WNK2: variants seen among roughly 807,000 people sequenced by gnomAD.
The protein encoded by WNK2 is WNK lysine deficient protein kinase 2.
Under a neutral mutation model 192.1 loss-of-function variants are expected in WNK2, and 67 were observed. The ratio of observed to expected loss-of-function variants is 0.35; its 90% CI spans 0.29 to 0.43. The LOEUF (loss-of-function observed/expected upper bound fraction) is 0.43. Ranked by LOEUF, WNK2 falls within the 20% of genes least tolerant of loss-of-function variation. The pLI is 1.00. For missense variants in WNK2, 2,698 were observed against 3,089.7 expected (o/e 0.87, Z 3.01); for synonymous variants, 1,439 against 1,393.9 (o/e 1.03, Z -0.72).
intron 7 of WNK2, among the ~76,000 whole-genome samples, chr9:93,244,660 C>T (rs116180640): frequency 0.023 from 3,554 of 152,220 alleles, 137 homozygotes; most frequent in African/African-American, 0.082. Flanking sequence ...GATATGACCC[C>T]GAGGCCACGT....
chr9:93,246,310 C>T (rs1470894841), intron 7 of WNK2, among the ~76,000 whole-genome samples: 1 of 152,202 alleles, frequency 6.6e-6, no homozygotes, highest in Non-Finnish European at 1.5e-5. Flanking sequence ...GCTGCCGCCT[C>T]TTAGAGCCGC....
chr9:93,266,435 C>A (rs1845186129), intron 16 of WNK2, among the ~76,000 whole-genome samples: 1 of 152,190 alleles, frequency 6.6e-6, no homozygotes, highest in Non-Finnish European at 1.5e-5. Flanking sequence ...TAATTTTATT[C>A]TCAACATACT....
chr9:93,272,514 G>C (rs1394551972), intron 19 of WNK2, among the ~76,000 whole-genome samples: 1 of 152,076 alleles, frequency 6.6e-6, no homozygotes. Context: ...AAGTTCGGGG[G>C]GATCACCTGA....
At chr9:93,248,014 G>A (rs1389258645) in intron 8 of WNK2, among the ~76,000 whole-genome samples, 180 bp downstream of exon 8, 1 of 152,256 alleles carries the variant, frequency 6.6e-6, no homozygotes, top group Admixed American at 6.5e-5. Flanking sequence ...CTCACGTAGC[G>A]TGGGTGATTG....
intron 23 of WNK2, among the ~76,000 whole-genome samples, chr9:93,294,187 C>G (rs1198486688): frequency 6.6e-6 from 1 of 152,084 alleles, no homozygotes. Context: ...TGCGAGCCCT[C>G]TCTGCACAGC....
At chr9:93,292,181 C>T (rs1037496143) in intron 21 of WNK2, 127 bp from the exon 22 acceptor site, 3 of 936,726 alleles carry the variant, frequency 3.2e-6, no homozygotes, top group Non-Finnish European at 5.0e-6. Context: ...CCAGTACCCA[C>T]TTCCATTGTC....
chr9:93,314,947 A>G (rs925703119), intron 28 of WNK2, among the ~76,000 whole-genome samples: 5 of 152,114 alleles, frequency 3.3e-5, no homozygotes, highest in Non-Finnish European at 5.9e-5. Context: ...CATACTAAGC[A>G]GATGTTACAT....
Position 93,297,930 on chromosome 9 carries a change from C to A in WNK2, c.5786C>A (p.Pro1929Gln). 1 of 1,589,930 alleles carries A rather than the reference C, an allele frequency of 6.3e-7. No individual in the cohort carries two copies. The highest frequency in any genetic ancestry group is 2.3e-5 in the East Asian group (1 of 43,330). Reference sequence around the variant, plus strand: ...GCTCTGTACCGCCGCCTGGGCAAGCCACTGCCCCCCAACGTGGGCTTCTTC... The same window carrying A: ...GCTCTGTACCGCCGCCTGGGCAAGCAACTGCCCCCCAACGTGGGCTTCTTC... ...IEALYRRLGK[P>Q]LPPNVGFFHT... is the part of the protein sequence containing the mutation. The change falls in exon 24 of 30, where the codon CCA becomes CAA. Residue 1929 changes from proline (P) to glutamine (Q), a missense_variant. Coordinates refer to ENST00000427277, the MANE Select transcript of WNK2 (RefSeq NM_006648.4).
chr9:93,293,163 C>T lies in WNK2; in HGVS notation c.5698C>T (p.Leu1900=). 1.3e-6 allele frequency: 2 copies of T among 1,515,336 alleles called. No individual in the cohort carries two copies. Among genetic ancestry groups the T allele is most frequent in the Non-Finnish European group, 1.8e-6 (2 of 1,134,888 alleles). The allele number at this position is 1,515,336 out of a possible 1,614,324, so 93.9% of individuals were successfully genotyped here. A position where few individuals can be genotyped will look rare whatever the true frequency, so the allele number is the denominator to read the frequency against. Residue 1900 remains leucine, a synonymous_variant, in exon 23 of 30, where the codon CTG becomes TTG. Coordinates refer to ENST00000427277, the MANE Select transcript of WNK2 (RefSeq NM_006648.4). ...DADIKKELQS[L]REKHLKEISE... The stretch of plus-strand genomic sequence containing the variant: ...TGACATAAAGAAGGAGCTGCAGAGT[C>T]TGCGGGAGAAGTAGGTCCTGCGGGC...
intron 2 of WNK2, among the ~76,000 whole-genome samples, chr9:93,206,033 C>G (rs1404977905): frequency 6.6e-6 from 1 of 152,158 alleles, no homozygotes; most frequent in Non-Finnish European, 1.5e-5. Flanking sequence ...CGTGCGGAGC[C>G]TCGGGGCACA....
chr9:93,302,580 C>T (rs1851807147), intron 26 of WNK2, among the ~76,000 whole-genome samples: 1 of 152,186 alleles, frequency 6.6e-6, no homozygotes, highest in Non-Finnish European at 1.5e-5. Context: ...AGGATCCTGG[C>T]CTCTGTGAAG....
At chr9:93,277,235 C>T (rs1847066564) in intron 19 of WNK2, among the ~76,000 whole-genome samples, 1 of 152,186 alleles carries the variant, frequency 6.6e-6, no homozygotes, top group Non-Finnish European at 1.5e-5. Context: ...CTGGGTGTGG[C>T]TGTGGAACAG....
chr9:93,265,757 C>T (rs1372359534), intron 16 of WNK2, among the ~76,000 whole-genome samples: 6 of 152,218 alleles, frequency 3.9e-5, no homozygotes, highest in African/African-American at 7.2e-5. Flanking sequence ...CTTGCCTGCC[C>T]GAGCAGGAAG....
rs755297605 is a variant in WNK2, at chr9:93,292,347, A to T, written c.4976A>T (p.Asp1659Val). The T allele has an allele frequency of 1.2e-6, 2 of 1,613,886 alleles. No homozygotes were observed. The highest frequency in any genetic ancestry group is 8.5e-7 in the Non-Finnish European group (1 of 1,179,864). Residue 1659 changes from aspartate (D) to valine (V), a missense_variant, in exon 22 of 30, where the codon GAT becomes GTT. Around this residue, in one of 7 missense-constraint regions of WNK2, gnomAD observed 1,098 missense variants for 1,101.0 expected, o/e 1.00. Coordinates refer to ENST00000427277, the MANE Select transcript of WNK2 (RefSeq NM_006648.4). ...AGGAGTATGCTAGGCTATGACAGAG[A>T]TGGAAGGCAGGTGGCCTCAGACTCC... ...SPRSMLGYDR[D>V]GRQVASDSHV...
In WNK2 at chr9:93,259,456, C is replaced by A; in HGVS notation, c.2908C>A (p.Pro970Thr). ...PTLPPQPVLP[P>T]QPTRPPQPVL... ...GCTGCCCCCTCAACCTGTGTTGCCC[C>A]CGCAACCCACACGGCCCCCTCAACC... The change falls in exon 12 of 30, where the codon CCG becomes ACG. Residue 970 changes from proline (P) to threonine (T), a missense_variant. Around this residue, in one of 7 missense-constraint regions of WNK2, gnomAD observed 893 missense variants for 909.0 expected, o/e 0.98. Coordinates refer to ENST00000427277, the MANE Select transcript of WNK2 (RefSeq NM_006648.4). The surrounding 1 kb of genome is among the most constrained non-coding windows in gnomAD (Gnocchi z 4.8). The A allele has an allele frequency of 6.7e-7, 1 of 1,486,948 alleles. No individual in the cohort carries two copies. Among genetic ancestry groups the A allele is most frequent in the African/African-American group, 2.0e-5 (1 of 50,452 alleles). 92.1% of individuals were successfully genotyped at this position (1,486,948 alleles called of 1,614,324 possible). A position where few individuals can be genotyped will look rare whatever the true frequency, so the allele number is the denominator to read the frequency against.
intron 19 of WNK2, among the ~76,000 whole-genome samples, chr9:93,286,478 C>A (rs1483734848): frequency 6.6e-6 from 1 of 152,166 alleles, no homozygotes; most frequent in African/African-American, 2.4e-5. Context: ...TCACCTCACA[C>A]CTGTTAAGAT....
intron 2 of WNK2, among the ~76,000 whole-genome samples, chr9:93,210,942 A>G (rs1834382192): frequency 6.6e-6 from 1 of 152,142 alleles, no homozygotes; most frequent in East Asian, 1.9e-4. Flanking sequence ...GTCTACCCTC[A>G]TGCGCTCATA....
rs561344476 is a variant in WNK2, at chr9:93,253,011, C to G, written c.1963C>G (p.Pro655Ala). 1.4e-4 allele frequency: 225 copies of G among 1,556,612 alleles called. 3 individuals carry two copies. The highest frequency in any genetic ancestry group is 1.4e-3 in the South Asian group (116 of 84,114). Reference sequence around the variant, plus strand: ...CCCGGCCCAGTGTGTGTGCAGCCCCCCTGTGAGCGAGGGGCCCGTCCTGCC... The same window carrying G: ...CCCGGCCCAGTGTGTGTGCAGCCCCGCTGTGAGCGAGGGGCCCGTCCTGCC... The part of the protein sequence containing the change: ...PSPAQCVCSP[P>A]VSEGPVLPQS... The change falls in exon 9 of 30, where the codon CCT becomes GCT. Residue 655 changes from proline to alanine, a missense_variant. Pro to Ala is a conservative substitution (Grantham distance 27, BLOSUM62 -1). This residue lies in a region of WNK2 where 893 missense variants were observed against 909.0 expected (regional missense o/e 0.98). Transcript: ENST00000427277.
At position 93,239,726 on chromosome 9, in the gene WNK2, T is replaced by G. The variant is rs1381935264; in HGVS notation, c.1323-31T>G. On this transcript the variant is annotated intron_variant, in intron 6 of 29. Coordinates refer to ENST00000427277, the MANE Select transcript of WNK2 (RefSeq NM_006648.4). This position sits in a 1 kb window ranked among gnomAD's most constrained non-coding sequence, Gnocchi z 4.2. ...CTGGGCATGGAGGCCCTGGCGCCCG[T>G]GCCCCTGCCTGTCAGCTGCTCTCCC... 3.6e-5 allele frequency: 56 copies of G among 1,536,314 alleles called. No individual in the cohort carries two copies. Among genetic ancestry groups the G allele is most frequent in the Non-Finnish European group, 4.8e-5 (55 of 1,136,576 alleles).
Sources: gnomAD v4.1 joint callset for allele counts (sites outside exome capture counted in the v4.1 genomes callset) on GRCh38, gnomAD v4.1.1 for gene constraint, gnomAD v4.1.1 regional missense constraint, Gnocchi (gnomAD v3.1) non-coding constraint, MANE v1.5 for transcripts, NCBI Gene and HGNC (gene_info 2026-07-23, HGNC 2026-07-21) for gene names.